Variants in TAFA4 observed in about 807,000 individuals in gnomAD.
TAFA4 encodes TAFA chemokine like family member 4.
Under a neutral mutation model 21.1 loss-of-function variants are expected in TAFA4, and 20 were observed. The observed-to-expected ratio is 0.95, with a 90% confidence interval of 0.67 to 1.38. The LOEUF (loss-of-function observed/expected upper bound fraction) is 1.38. Ranked by LOEUF, TAFA4 falls within the 40% of genes most tolerant of loss-of-function variation. The pLI is 0.00. For synonymous variants in TAFA4, 71 were observed against 67.4 expected (o/e 1.05, Z -0.26); for missense variants, 211 against 180.9 (o/e 1.17, Z -0.95).
At chr3:68,895,020 A>G (rs371775968) in intron 1 of TAFA4, among the ~76,000 whole-genome samples, 4 of 148,684 alleles carry the variant, frequency 2.7e-5, no homozygotes, top group African/African-American at 9.8e-5. Context: ...TGCTGGGCTA[A>G]TTTTTTTTTT....
intron 1 of TAFA4, among the ~76,000 whole-genome samples, chr3:68,930,485 T>G (rs2090149637): frequency 6.6e-6 from 1 of 152,310 alleles, no homozygotes; most frequent in East Asian, 1.9e-4. Context: ...AAAGGGCAGT[T>G]AAGATGGTAC....
intron 3 of TAFA4, among the ~76,000 whole-genome samples, chr3:68,785,556 C>T (rs1000872935): frequency 2.0e-5 from 3 of 152,168 alleles, no homozygotes; most frequent in Non-Finnish European, 2.9e-5. Flanking sequence ...GCCGGCCGCT[C>T]CTAATGCGGG....
chr3:68,744,503 T>C (rs1702417139), intron 4 of TAFA4, among the ~76,000 whole-genome samples: 1 of 151,566 alleles, frequency 6.6e-6, no homozygotes, highest in African/African-American at 2.4e-5. Context: ...GAGGTGGGAG[T>C]GAAGTGAGAA....
chr3:68,769,268 T>C (rs370767121), intron 3 of TAFA4, among the ~76,000 whole-genome samples: 1 of 152,210 alleles, frequency 6.6e-6, no homozygotes, highest in African/African-American at 2.4e-5. Flanking sequence ...CACTCCCACA[T>C]GGGACCAGCT....
At chr3:68,872,573 G>A (rs960269584) in intron 3 of TAFA4, among the ~76,000 whole-genome samples, 2 of 152,124 alleles carry the variant, frequency 1.3e-5, no homozygotes, top group African/African-American at 2.4e-5. Flanking sequence ...CCAACATAAA[G>A]AAAGGGTGAA....
chr3:68,774,073 T>C (rs1022227798), intron 3 of TAFA4, among the ~76,000 whole-genome samples: 1 of 151,864 alleles, frequency 6.6e-6, no homozygotes, highest in African/African-American at 2.4e-5. Flanking sequence ...GGCCTGGGGG[T>C]AGACATTAGA....
intron 3 of TAFA4, among the ~76,000 whole-genome samples, chr3:68,790,749 C>T (rs1672261608): frequency 6.6e-6 from 1 of 152,166 alleles, no homozygotes. Flanking sequence ...CTGGGGAGAA[C>T]ACAGGAGCAG....
At chr3:68,859,366 T>G (rs939833660) in intron 3 of TAFA4, among the ~76,000 whole-genome samples, 2 of 152,152 alleles carry the variant, frequency 1.3e-5, no homozygotes, top group African/African-American at 2.4e-5. Context: ...CCTGAGACAC[T>G]TAACCTGTTT....
intron 1 of TAFA4, among the ~76,000 whole-genome samples, chr3:68,906,233 C>T (rs892834919): frequency 8.5e-5 from 13 of 152,102 alleles, no homozygotes; most frequent in East Asian, 1.9e-4. Context: ...ATGTCCTGGG[C>T]GATGATACAT....
chr3:68,829,931 G>C (rs552320060), intron 3 of TAFA4, among the ~76,000 whole-genome samples: 29 of 152,104 alleles, frequency 1.9e-4, no homozygotes, highest in South Asian at 4.2e-4. Flanking sequence ...TGTATGTGTC[G>C]AGGAATTTAT....
chr3:68,909,327 G>A (rs193104221), intron 1 of TAFA4, among the ~76,000 whole-genome samples: 2 of 152,154 alleles, frequency 1.3e-5, no homozygotes, highest in Non-Finnish European at 2.9e-5. Context: ...TATCCATGGC[G>A]CTGAAGAAGT....
chr3:68,770,377 G>C (rs1278419266), intron 3 of TAFA4, among the ~76,000 whole-genome samples: 1 of 152,322 alleles, frequency 6.6e-6, no homozygotes, highest in Non-Finnish European at 1.5e-5. Context: ...CCCAGAAAGA[G>C]TCTAGCAGGA....
intron 4 of TAFA4, among the ~76,000 whole-genome samples, chr3:68,749,665 G>A (rs141759615): frequency 1.7e-3 from 258 of 152,248 alleles, no homozygotes; most frequent in South Asian, 7.9e-3. Flanking sequence ...ATTGAACACC[G>A]ACTGTTTGCC....
intron 3 of TAFA4, among the ~76,000 whole-genome samples, chr3:68,775,491 A>C (rs1703032191): frequency 6.6e-6 from 1 of 152,190 alleles, no homozygotes; most frequent in African/African-American, 2.4e-5. Flanking sequence ...AGAAGAGCCA[A>C]GAAACAGTAC....
intron 3 of TAFA4, among the ~76,000 whole-genome samples, chr3:68,858,876 G>A (rs879864765): frequency 6.6e-6 from 1 of 151,708 alleles, no homozygotes; most frequent in African/African-American, 2.4e-5. Context: ...TCTTCATTCT[G>A]GAATATCTGA....
At chr3:68,796,322 G>A (rs1156927962) in intron 3 of TAFA4, among the ~76,000 whole-genome samples, 1 of 152,106 alleles carries the variant, frequency 6.6e-6, no homozygotes, top group African/African-American at 2.4e-5. Context: ...CACTACTACA[G>A]TATATATAAT....
At chr3:68,900,107 T>G (rs907040353) in intron 1 of TAFA4, among the ~76,000 whole-genome samples, 3 of 149,366 alleles carry the variant, frequency 2.0e-5, no homozygotes, top group Non-Finnish European at 4.4e-5. Flanking sequence ...ACACAAAAAT[T>G]AGCTGGCTGT....
At chr3:68,818,571 T>G (rs1402873048) in intron 3 of TAFA4, among the ~76,000 whole-genome samples, 2 of 152,206 alleles carry the variant, frequency 1.3e-5, no homozygotes, top group African/African-American at 4.8e-5. Context: ...GAGACACATG[T>G]GACTCTTCCT....
chr3:68,762,387 A>G (rs1326239585), intron 3 of TAFA4, among the ~76,000 whole-genome samples: 1 of 152,148 alleles, frequency 6.6e-6, no homozygotes, highest in African/African-American at 2.4e-5. Context: ...CGGGATTTTT[A>G]AGATGTGGGA....
Sources: allele counts gnomAD v4.1 joint callset (sites outside exome capture counted in the v4.1 genomes callset), GRCh38; gene constraint gnomAD v4.1.1; transcripts MANE v1.5; gene names NCBI Gene and HGNC (gene_info 2026-07-23, HGNC 2026-07-21).